The following GABRP variants were observed in gnomAD, a reference collection of about 807,000 sequenced individuals.
GABRP encodes the protein gamma-aminobutyric acid receptor subunit pi.
A neutral mutation model predicts 47.8 loss-of-function variants in GABRP; 52 were observed. That is an observed-to-expected ratio of 1.09 (90% CI 0.87 to 1.37). The LOEUF is 1.37. GABRP is among the 40% of genes most tolerant of loss of function. The pLI is 0.00. For missense variants in GABRP, 525 were observed against 542.8 expected (o/e 0.97, Z 0.33); for synonymous variants, 221 against 205.8 (o/e 1.07, Z -0.63).
At chr5:170,799,154 C>T (rs1222901623) in intron 6 of GABRP, among the ~76,000 whole-genome samples, 4 of 152,154 alleles carry the variant, frequency 2.6e-5, no homozygotes, top group African/African-American at 7.2e-5. Flanking sequence ...TGTGTATGTG[C>T]CACATTTTCT....
At chr5:170,805,886 A>G (rs1220522450) in intron 7 of GABRP, 33 bp downstream of exon 7, 6 of 1,609,498 alleles carry the variant, frequency 3.7e-6, no homozygotes, top group South Asian at 1.1e-5. Flanking sequence ...TGAAATAAAA[A>G]TAAGTGAACT....
rs1417116134 is a variant in GABRP, at chr5:170,795,373, G to A, written c.406G>A (p.Gly136Arg). Reference protein sequence around the residue: ...KKSFLHEVTVGNRLIRLFSNG... With the variant: ...KKSFLHEVTVRNRLIRLFSNG... ...GTCCTTCCTCCATGAAGTCACTGTG[G>A]GAAACAGGCTCATCCGCCTCTTCTC... Residue 136 changes from glycine to arginine, a missense_variant, in exon 5 of 10, where the codon GGA becomes AGA. Physicochemically the swap from Gly to Arg is moderately radical, Grantham distance 125. Transcript: ENST00000265294. The A allele has an allele frequency of 2.5e-6, 4 of 1,613,952 alleles. No homozygotes were observed. The highest frequency in any genetic ancestry group is 3.3e-5 in the Admixed American group (2 of 59,998).
At chr5:170,798,712 C>A (rs539347257) in intron 6 of GABRP, among the ~76,000 whole-genome samples, 6 of 152,126 alleles carry the variant, frequency 3.9e-5, no homozygotes, top group African/African-American at 1.4e-4. Context: ...CATCATTTGT[C>A]AGCAAATATG....
In GABRP at chr5:170,805,713, CA is replaced by C. The variant is rs1317555141; in HGVS notation, c.542-2del. On this transcript the variant is annotated splice_acceptor_variant, in intron 6 of 9. Transcript: ENST00000265294. LOFTEE classifies it high-confidence loss of function. ...CTGACCAGGGCTCCATTTTATTTGC[CA>C]GGGGGCTATGATGGAAATGATGTGG... 1.9e-6 allele frequency: 3 copies of C among 1,614,042 alleles called. No homozygotes were observed. The highest frequency in any genetic ancestry group is 1.1e-5 in the South Asian group (1 of 91,046).
At chr5:170,788,360 AAATT>A in intron 1 of GABRP, 1 of 405,646 alleles carries the variant, frequency 2.5e-6, no homozygotes, top group Non-Finnish European at 4.2e-6. Context: ...AAAAAATAAA[AAATT>A]AAAAAAAAAA....
At chr5:170,787,792 G>A (rs1231168457) in intron 1 of GABRP, among the ~76,000 whole-genome samples, 2 of 152,310 alleles carry the variant, frequency 1.3e-5, no homozygotes, top group South Asian at 2.1e-4. Flanking sequence ...ATGACCTCCT[G>A]ACACTGGAGG....
chr5:170,793,755 G>A (rs566430875), intron 3 of GABRP, among the ~76,000 whole-genome samples: 4 of 146,396 alleles, frequency 2.7e-5, no homozygotes, highest in East Asian at 2.0e-4. Context: ...TTAATTCAGC[G>A]TGACCAACAT....
rs532753694 is a variant in GABRP, at chr5:170,802,528, G to A, written c.542-3188G>A. Among the ~76,000 whole-genome samples, 23 of 152,288 alleles carry A rather than the reference G, an allele frequency of 1.5e-4. 1 individual carries two copies. In the South Asian group the frequency reaches 4.3e-3, roughly 29 times the overall value. On this transcript the variant is annotated intron_variant, in intron 6 of 9. Coordinates refer to ENST00000265294, the MANE Select transcript of GABRP (RefSeq NM_014211.3). ...CTTGAAGCAATACAGCTGTTTGGTG[G>A]CAGAATAAAACTTGAGGTTATCAAA... is the stretch of plus-strand genomic sequence containing the variant.
chr5:170,807,052 G>A (rs1254558132), intron 7 of GABRP, among the ~76,000 whole-genome samples: 1 of 152,108 alleles, frequency 6.6e-6, no homozygotes, highest in East Asian at 1.9e-4. Context: ...GGGCTTGGGT[G>A]ATCCTCCCAC....
At chr5:170,797,857 C>T (rs1337295599) in intron 6 of GABRP, among the ~76,000 whole-genome samples, 1 of 152,168 alleles carries the variant, frequency 6.6e-6, no homozygotes, top group Admixed American at 6.5e-5. Flanking sequence ...GGCTGGTGTG[C>T]CCAATCCAGC....
rs149970953 is a variant in GABRP at position 170,787,457 on chromosome 5, C to T, written c.-42-1117C>T. On this transcript the variant is annotated intron_variant, in intron 1 of 9. Transcript: ENST00000265294. ...CAGCAGCTCCTGAAGCTGAGGAGGCCGGGCCCCTGGGCCATGCCCCACGGA... is the reference window on the plus strand; with the variant it reads ...CAGCAGCTCCTGAAGCTGAGGAGGCTGGGCCCCTGGGCCATGCCCCACGGA... 6.1e-3 allele frequency among the ~76,000 whole-genome samples: 935 copies of T among 152,304 alleles called. 9 individuals carry two copies. The highest frequency in any genetic ancestry group is 0.022 in the African/African-American group (898 of 41,570).
chr5:170,794,292 T>A lies in GABRP; in HGVS notation c.234T>A (p.Ser78Arg). Reference protein sequence around the residue: ...DIASISSISESNMDYTATIYL... With the variant: ...DIASISSISERNMDYTATIYL... ...CAAGTATCTCTAGCATTTCAGAGAGTAACATGGTAAGCGCTGTTCCTTTGT... is the reference window on the plus strand; with the variant it reads ...CAAGTATCTCTAGCATTTCAGAGAGAAACATGGTAAGCGCTGTTCCTTTGT... Residue 78 changes from serine (S) to arginine (R), a missense_variant, in exon 4 of 10, where the codon AGT becomes AGA. Transcript: ENST00000265294. 4 of 1,603,908 alleles carry A rather than the reference T, an allele frequency of 2.5e-6. No individual in the cohort carries two copies. Among genetic ancestry groups the A allele is most frequent in the Non-Finnish European group, 3.4e-6 (4 of 1,174,582 alleles).
intron 1 of GABRP, among the ~76,000 whole-genome samples, chr5:170,785,467 C>G (rs920437485): frequency 2.0e-5 from 3 of 152,170 alleles, no homozygotes; most frequent in African/African-American, 4.8e-5. Context: ...CATTTAGAAG[C>G]CTTTTTCTTC....
At chr5:170,787,975 C>T (rs977352461) in intron 1 of GABRP, among the ~76,000 whole-genome samples, 2 of 152,176 alleles carry the variant, frequency 1.3e-5, no homozygotes, top group African/African-American at 4.8e-5. Flanking sequence ...AGATATGGCC[C>T]AGAGGATAAA....
Position 170,809,631 on chromosome 5 carries a change from C to G in GABRP, c.896C>G (p.Thr299Ser), listed in dbSNP as rs753039143. Residue 299 changes from threonine to serine, a missense_variant, in exon 9 of 10, where the codon ACC becomes AGC. Coordinates refer to ENST00000265294, the MANE Select transcript of GABRP (RefSeq NM_014211.3). ...MIGSRTSLPN[T>S]NCFIKAIDVY... ...GGGTCCCGCACTTCTCTTCCCAACA[C>G]CAACTGCTTCATCAAGGCCATCGAT... 250 of 1,614,078 alleles carry G rather than the reference C, an allele frequency of 1.5e-4. No individual in the cohort carries two copies. Among genetic ancestry groups the G allele is most frequent in the Non-Finnish European group, 1.8e-4 (215 of 1,180,048 alleles).
intron 9 of GABRP, among the ~76,000 whole-genome samples, chr5:170,811,295 C>A (rs1016354605): frequency 5.3e-5 from 8 of 151,348 alleles, no homozygotes; most frequent in Non-Finnish European, 8.8e-5. Flanking sequence ...GTCAAGGAAC[C>A]AAACCACACT....
At chr5:170,802,053 T>TA (rs894889590) in intron 6 of GABRP, among the ~76,000 whole-genome samples, 1 of 151,982 alleles carries the variant, frequency 6.6e-6, no homozygotes, top group African/African-American at 2.4e-5. Flanking sequence ...TTCCAACTTT[T>TA]AAAAAAAATT....
chr5:170,812,353 G>A lies in GABRP; in HGVS notation c.*95G>A. 7 of 899,832 alleles carry A rather than the reference G, an allele frequency of 7.8e-6. No individual in the cohort carries two copies. Among genetic ancestry groups the A allele is most frequent in the Non-Finnish European group, 1.0e-5 (6 of 582,246 alleles). 55.7% of individuals were successfully genotyped at this position (899,832 alleles called of 1,614,324 possible). A position where few individuals can be genotyped will look rare whatever the true frequency, so the allele number is the denominator to read the frequency against. ...GGCCAAGTGTGCACCCACATCCAAT[G>A]GTGCTACAAGTGACTGAAATAATAT... On this transcript the variant is annotated 3_prime_UTR_variant, in exon 10 of 10. Transcript: ENST00000265294.
chr5:170,811,383 G>A (rs933169556), intron 9 of GABRP, among the ~76,000 whole-genome samples: 1 of 151,552 alleles, frequency 6.6e-6, no homozygotes, highest in Non-Finnish European at 1.5e-5. Flanking sequence ...CCTTGCAATG[G>A]CAGGGAGCAT....
Sources: gnomAD v4.1 joint callset for allele counts (sites outside exome capture counted in the v4.1 genomes callset) on GRCh38, gnomAD v4.1.1 for gene constraint, MANE v1.5 for transcripts, NCBI Gene and HGNC (gene_info 2026-07-23, HGNC 2026-07-21) for gene names.